ZBTB38: variants seen among roughly 807,000 people sequenced by gnomAD.
ZBTB38 encodes the protein zinc finger and BTB domain-containing protein 38.
A neutral mutation model predicts 76.8 loss-of-function variants in ZBTB38; 20 were observed. The ratio of observed to expected loss-of-function variants is 0.26; its 90% CI spans 0.18 to 0.38. ZBTB38 has a LOEUF of 0.38. Ranked by LOEUF, ZBTB38 falls within the 10% of genes least tolerant of loss-of-function variation. ZBTB38 has a pLI of 1.00. For missense variants in ZBTB38, 1,082 were observed against 1,482.3 expected (o/e 0.73, Z 4.43); for synonymous variants, 504 against 544.2 (o/e 0.93, Z 1.03).
chr3:141,338,185 G>A (rs1208979485), intron 1 of ZBTB38, among the ~76,000 whole-genome samples: 1 of 152,204 alleles, frequency 6.6e-6, no homozygotes, highest in Non-Finnish European at 1.5e-5. Context: ...CTTATACACT[G>A]CTGGTGGGAG....
chr3:141,353,455 C>G (rs1208503826), intron 1 of ZBTB38, among the ~76,000 whole-genome samples: 1 of 151,964 alleles, frequency 6.6e-6, no homozygotes, highest in African/African-American at 2.4e-5. Flanking sequence ...TGCTACTAAC[C>G]AAAAAGCAAA....
chr3:141,417,330 T>C (rs1294924551), intron 5 of ZBTB38, among the ~76,000 whole-genome samples: 2 of 152,196 alleles, frequency 1.3e-5, no homozygotes, highest in South Asian at 4.1e-4. Flanking sequence ...TGGATGTCTG[T>C]TGATTGAGGG....
At position 141,423,353 on chromosome 3, in the gene ZBTB38, G is replaced by A. The variant is rs116857506; in HGVS notation, c.1-19036G>A. Among the ~76,000 whole-genome samples the A allele has an allele frequency of 1.4e-4, 22 of 152,326 alleles. 1 individual carries two copies. The East Asian group carries it at 3.3e-3, about 23-fold the overall frequency. On this transcript the variant is annotated intron_variant, in intron 5 of 5. Coordinates refer to ENST00000321464, the MANE Select transcript of ZBTB38 (RefSeq NM_001376113.1). ...TTCTGGAATTTTCATGGAAGATTACGAGAGTGAAAAGCAATAGAATGAGAT... is the reference window on the plus strand; with the variant it reads ...TTCTGGAATTTTCATGGAAGATTACAAGAGTGAAAAGCAATAGAATGAGAT...
intron 1 of ZBTB38, among the ~76,000 whole-genome samples, chr3:141,339,956 T>G (rs1468941686): frequency 1.3e-5 from 2 of 152,232 alleles, no homozygotes; most frequent in Non-Finnish European, 2.9e-5. Flanking sequence ...TTACTTATTA[T>G]GGGTAGGTCA....
chr3:141,420,372 A>G (rs2075087773), intron 5 of ZBTB38, among the ~76,000 whole-genome samples: 1 of 152,232 alleles, frequency 6.6e-6, no homozygotes, highest in Non-Finnish European at 1.5e-5. Context: ...GAGACCACAG[A>G]TCAGTTCCAG....
At position 141,445,269 on chromosome 3, in the gene ZBTB38, G is replaced by C. The variant is rs373567561; in HGVS notation, c.2881G>C (p.Ala961Pro). Residue 961 changes from alanine to proline, a missense_variant, in exon 6 of 6, where the codon GCC becomes CCC. Around this residue, in one of 8 missense-constraint regions of ZBTB38, gnomAD observed 471 missense variants for 581.0 expected, o/e 0.81. Transcript: ENST00000321464. This position sits in a 1 kb window ranked among gnomAD's most constrained non-coding sequence, Gnocchi z 6.5. ...KCKYPAELDC[A>P]VGKAPQDKPF... is the part of the protein sequence containing the mutation. Reference sequence around the variant, plus strand: ...TAAATACCCAGCAGAACTGGATTGCGCCGTGGGGAAGGCTCCTCAGGATAA... The same window carrying C: ...TAAATACCCAGCAGAACTGGATTGCCCCGTGGGGAAGGCTCCTCAGGATAA... The C allele has an allele frequency of 6.2e-7, 1 of 1,614,180 alleles. No individual in the cohort carries two copies. Among genetic ancestry groups the C allele is most frequent in the South Asian group, 1.1e-5 (1 of 91,088 alleles).
chr3:141,370,163 G>C (rs1336566225), intron 2 of ZBTB38, among the ~76,000 whole-genome samples: 6 of 152,230 alleles, frequency 3.9e-5, no homozygotes. Flanking sequence ...TCTTGCTCAT[G>C]TAACAGTACA....
intron 3 of ZBTB38, among the ~76,000 whole-genome samples, chr3:141,386,211 G>A (rs1238427723): frequency 5.3e-5 from 8 of 152,156 alleles, no homozygotes; most frequent in Non-Finnish European, 1.5e-5. Context: ...TATTATTTAG[G>A]TCAGTATCCT....
intron 1 of ZBTB38, among the ~76,000 whole-genome samples, chr3:141,336,392 A>G (rs181667241): frequency 2.0e-4 from 31 of 152,248 alleles, no homozygotes; most frequent in Admixed American, 1.4e-3. Context: ...AAAATTTACT[A>G]TTTTATATAG....
chr3:141,428,579 C>T lies in ZBTB38; in HGVS notation c.1-13810C>T, dbSNP rs543061113. Among the ~76,000 whole-genome samples the T allele has an allele frequency of 4.5e-4, 68 of 152,224 alleles. 1 individual carries two copies. Among genetic ancestry groups the T allele is most frequent in the African/African-American group, 1.4e-3 (58 of 41,530 alleles). On this transcript the variant is annotated intron_variant, in intron 5 of 5. Coordinates refer to ENST00000321464, the MANE Select transcript of ZBTB38 (RefSeq NM_001376113.1). ...CTCAGCTCACTGCAACCTTCACCTC[C>T]GGGGTTCAAGCGATTCTCCTGTCCC...
rs995016949 is a variant in ZBTB38 at position 141,356,752 on chromosome 3, G to A, written c.-738-11869G>A. On this transcript the variant is annotated intron_variant, in intron 1 of 7. Transcript: ENST00000509842. Reference sequence around the variant, plus strand: ...TTCTCACTTAAAGTGTTAGAGGAGAGCTTTTAAAGATGATTGTTCCTGCTA... The same window carrying A: ...TTCTCACTTAAAGTGTTAGAGGAGAACTTTTAAAGATGATTGTTCCTGCTA... Among the ~76,000 whole-genome samples, 3 of 152,348 alleles carry A rather than the reference G, an allele frequency of 2.0e-5. No homozygotes were observed. The South Asian group carries it at 6.2e-4, about 32-fold the overall frequency.
rs563415381 is a variant in ZBTB38, at chr3:141,358,752, C to G, written c.-738-9869C>G. The stretch of plus-strand genomic sequence containing the variant: ...CCCCTATCTCCATCCCAGCCCTAAG[C>G]AACCACTAATCTATTTTCTGCCCCT... On this transcript the variant is annotated intron_variant, in intron 1 of 7. Transcript: ENST00000509842. Among the ~76,000 whole-genome samples, 6 of 152,324 alleles carry G rather than the reference C, an allele frequency of 3.9e-5. No individual in the cohort carries two copies. The East Asian group carries it at 1.2e-3, about 29-fold the overall frequency.
intron 1 of ZBTB38, among the ~76,000 whole-genome samples, chr3:141,353,474 G>T (rs776307173): frequency 1.2e-4 from 19 of 152,106 alleles, no homozygotes; most frequent in South Asian, 6.2e-4. Context: ...AAAGACATTA[G>T]AACTCATGGA....
At chr3:141,400,822 G>T (rs1179315226) in intron 4 of ZBTB38, among the ~76,000 whole-genome samples, 2 of 152,202 alleles carry the variant, frequency 1.3e-5, no homozygotes, top group Non-Finnish European at 2.9e-5. Context: ...GATGAAGAAG[G>T]CACGGGAGTT....
At chr3:141,431,102 C>T (rs2077394867) in intron 5 of ZBTB38, among the ~76,000 whole-genome samples, 1 of 151,888 alleles carries the variant, frequency 6.6e-6, no homozygotes, top group Non-Finnish European at 1.5e-5. Context: ...GCAGGAGGAT[C>T]ATCTGAGGTC....
chr3:141,331,560 A>G (rs1008653968), intron 1 of ZBTB38, among the ~76,000 whole-genome samples: 2 of 150,836 alleles, frequency 1.3e-5, no homozygotes, highest in African/African-American at 4.9e-5. Context: ...TTTTTTTTTT[A>G]TTGCTCACAC....
intron 4 of ZBTB38, chr3:141,402,359 C>G (rs2149577933): frequency 6.6e-6 from 1 of 151,718 alleles, no homozygotes; most frequent in East Asian, 1.9e-4. Flanking sequence ...ATTTTCTGGG[C>G]GGTGCTGTGC....
chr3:141,370,999 T>G (rs549522015), intron 2 of ZBTB38, among the ~76,000 whole-genome samples: 13 of 151,740 alleles, frequency 8.6e-5, no homozygotes, highest in African/African-American at 2.9e-4. Context: ...AGGTTAGACC[T>G]TTAAACCAAG....
rs145381754 is a variant in ZBTB38, at chr3:141,374,355, T to C, written c.-235+4409T>C. Among the ~76,000 whole-genome samples the C allele has an allele frequency of 4.5e-3, 683 of 152,326 alleles. 4 individuals are homozygous for C. Among genetic ancestry groups the C allele is most frequent in the African/African-American group, 0.016 (656 of 41,572 alleles). On this transcript the variant is annotated intron_variant, in intron 2 of 5. Transcript: ENST00000321464. ...CAGGGACATTTAACCTGGGGTTCAC[T>C]GAAACCTTTGAGGAATGATGGATGA... is the stretch of plus-strand genomic sequence containing the variant.
Sources: allele counts gnomAD v4.1 joint callset (sites outside exome capture counted in the v4.1 genomes callset), GRCh38; gene constraint gnomAD v4.1.1; regional missense constraint gnomAD v4.1.1; non-coding constraint Gnocchi (gnomAD v3.1); transcripts MANE v1.5; gene names NCBI Gene and HGNC (gene_info 2026-07-23, HGNC 2026-07-21).